The following BBS2 variants were observed in gnomAD, a reference collection of about 807,000 sequenced individuals.
BBS2 encodes Bardet-Biedl syndrome 2, also known as BBSome complex member BBS2.
A neutral mutation model predicts 83.0 loss-of-function variants in BBS2; 62 were observed. That is an observed-to-expected ratio of 0.75 (90% confidence interval 0.61 to 0.92). The LOEUF (loss-of-function observed/expected upper bound fraction) is 0.92. BBS2 is among the 40% of genes least tolerant of loss of function. The pLI is 0.00. For missense variants in BBS2, 784 were observed against 901.0 expected, an observed-to-expected ratio of 0.87 and a Z score of 1.66; for synonymous variants, 303 against 326.1, an observed-to-expected ratio of 0.93 and a Z score of 0.76.
At chr16:56,479,724 T>TGA (rs1325665796), downstream of BBS2, among the ~76,000 whole-genome samples, 1 of 152,178 alleles carries the variant, frequency 6.6e-6, no homozygotes, top group East Asian at 1.9e-4. Context: ...CAGCAGCCCT[T>TGA]GAGTAGCTGG....
In BBS2 at chr16:56,485,676, T is replaced by A. The variant is rs753656568; in HGVS notation, c.1973A>T (p.Tyr658Phe). Reference sequence around the variant, plus strand: ...TGTGTGATTGTTACAGCGAATTTTATATCCATTTAGCAAGTCTCTATTAAG... The same window carrying A: ...TGTGTGATTGTTACAGCGAATTTTAAATCCATTTAGCAAGTCTCTATTAAG... ...YDLNRDLLNG[Y>F]KIRCNNHTEL... The change falls in exon 16 of 17, where the codon TAT becomes TTT. Residue 658 changes from tyrosine (Y) to phenylalanine (F), a missense_variant. Coordinates refer to ENST00000245157, the MANE Select transcript of BBS2 (RefSeq NM_031885.5). 2.5e-6 allele frequency: 4 copies of A among 1,613,932 alleles called. No individual in the cohort carries two copies. The African/African-American group carries it at 5.3e-5, about 22-fold the overall frequency.
chr16:56,509,820 G>T, intron 5 of BBS2, 137 bp downstream of exon 5: 2 of 796,656 alleles, frequency 2.5e-6, no homozygotes, highest in Non-Finnish European at 4.4e-6. Flanking sequence ...ATACAGCTCT[G>T]TCTGACCCCC....
rs1292834581 is a variant in BBS2, at chr16:56,514,478, T to C, written c.320A>G (p.Asn107Ser). Residue 107 changes from asparagine to serine, a missense_variant, in exon 2 of 17, where the codon AAT (asparagine) becomes AGT (serine). By Grantham distance (46) the Asn-to-Ser change is conservative. Coordinates refer to ENST00000245157, the MANE Select transcript of BBS2 (RefSeq NM_031885.5). ...CTCTCTGTAGAACAAATCCGAATTA[T>C]TGTAGACATCATAAGCCAAAAGATT... is the stretch of plus-strand genomic sequence containing the variant. Reference protein sequence around the residue: ...QTNLLAYDVYNNSDLFYREVA... With the variant: ...QTNLLAYDVYSNSDLFYREVA... The C allele has an allele frequency of 9.3e-6, 15 of 1,614,046 alleles. No homozygotes were observed. Among genetic ancestry groups the C allele is most frequent in the African/African-American group, 5.3e-5 (4 of 74,918 alleles).
At chr16:56,501,303 T>C in intron 10 of BBS2, 50 bp downstream of exon 10, 1 of 1,588,948 alleles carries the variant, frequency 6.3e-7, no homozygotes. Context: ...AAAGAATGAC[T>C]CCAAGATGGC....
chr16:56,500,914 A>C lies in BBS2; in HGVS notation c.1337T>G (p.Val446Gly), dbSNP rs1315837336. ...NLSSSICIPI[V>G]PPKDVPVDLH... ...ATCCACAGGGACATCTTTGGGAGGC[A>C]CAATAGGGATGCAGATGGAACTGGA... Residue 446 changes from valine to glycine, a missense_variant, in exon 11 of 17, where the codon GTG (valine) becomes GGG (glycine). Val to Gly is a moderately radical substitution (Grantham distance 109, BLOSUM62 -3). Coordinates refer to ENST00000245157, the MANE Select transcript of BBS2 (RefSeq NM_031885.5). 2 of 1,614,206 alleles carry C rather than the reference A, an allele frequency of 1.2e-6. No individual in the cohort carries two copies. The highest frequency in any genetic ancestry group is 4.5e-5 in the East Asian group (2 of 44,874).
At chr16:56,478,144 A>G (rs1388144038) in intron 17 of BBS2, 4 of 152,078 alleles carry the variant, frequency 2.6e-5, no homozygotes, top group African/African-American at 7.2e-5. Flanking sequence ...TTTACACCAT[A>G]CTATTTTGGA....
intron 7 of BBS2, among the ~76,000 whole-genome samples, chr16:56,505,701 G>A (rs560074813): frequency 6.6e-6 from 1 of 152,284 alleles, no homozygotes; most frequent in Non-Finnish European, 1.5e-5. Context: ...CTTCAAATAA[G>A]AGATTTAGAC....
intron 17 of BBS2, among the ~76,000 whole-genome samples, chr16:56,473,746 T>C (rs1336909811): frequency 6.6e-6 from 1 of 152,216 alleles, no homozygotes; most frequent in African/African-American, 2.4e-5. Flanking sequence ...TCAGTGTATT[T>C]TTCCTTTGGG....
rs770986334 is a variant in BBS2 at position 56,509,943 on chromosome 16, G to A, written c.612+14C>T. 5 of 1,613,298 alleles carry A rather than the reference G, an allele frequency of 3.1e-6. No individual in the cohort carries two copies. Among genetic ancestry groups the A allele is most frequent in the Non-Finnish European group, 3.4e-6 (4 of 1,179,468 alleles). ...TTGCTCAAGGTTACCATAGTTCGAG[G>A]TGGAGCTTCTTACCTCTGTTTCTGT... On this transcript the variant is annotated intron_variant, in intron 5 of 16. Coordinates refer to ENST00000245157, the MANE Select transcript of BBS2 (RefSeq NM_031885.5).
chr16:56,510,120 T>G, intron 4 of BBS2, 86 bp from the exon 5 acceptor site: 15 of 1,176,220 alleles, frequency 1.3e-5, no homozygotes, highest in African/African-American at 1.5e-5. Flanking sequence ...GCACAGTACT[T>G]TGCATGCTGC....
intron 11 of BBS2, chr16:56,500,217 G>A (rs1964227816): frequency 2.8e-6 from 1 of 355,390 alleles, no homozygotes; most frequent in Non-Finnish European, 5.4e-6. Flanking sequence ...GGTTATGTAT[G>A]ACTGTAATAT....
chr16:56,503,554 G>A (rs1597017609), intron 7 of BBS2, among the ~76,000 whole-genome samples: 2 of 152,142 alleles, frequency 1.3e-5, no homozygotes, highest in Non-Finnish European at 1.5e-5. Context: ...CCAAGAGAGA[G>A]AACAAATAAA....
At chr16:56,481,489 A>G (rs1446798974), downstream of BBS2, among the ~76,000 whole-genome samples, 1 of 152,190 alleles carries the variant, frequency 6.6e-6, no homozygotes, top group Non-Finnish European at 1.5e-5. Flanking sequence ...GAAATAATAC[A>G]AATTATACTC....
chr16:56,488,440 A>C (rs1323839280), intron 15 of BBS2, among the ~76,000 whole-genome samples: 1 of 152,236 alleles, frequency 6.6e-6, no homozygotes, highest in Non-Finnish European at 1.5e-5. Context: ...AGAGCAGTAC[A>C]TAGAACCCAG....
chr16:56,473,461 T>C (rs1292958181), intron 17 of BBS2, among the ~76,000 whole-genome samples: 1 of 152,198 alleles, frequency 6.6e-6, no homozygotes, highest in African/African-American at 2.4e-5. Flanking sequence ...TTCAGAATGC[T>C]TCTCAGAAGT....
chr16:56,490,767 ATT>A (rs201601200), intron 15 of BBS2, among the ~76,000 whole-genome samples: 2 of 147,458 alleles, frequency 1.4e-5, no homozygotes, highest in Non-Finnish European at 3.0e-5. Context: ...GTAAAGCAAA[ATT>A]TTTTTTTTTT....
chr16:56,475,429 T>G (rs1963415709), intron 17 of BBS2: 3 of 1,278,590 alleles, frequency 2.3e-6, no homozygotes, highest in Admixed American at 3.4e-5. Flanking sequence ...TTAAGCAGCA[T>G]GGGATCAGTG....
intron 4 of BBS2, 122 bp downstream of exon 4, chr16:56,510,737 T>C (rs1330306959): frequency 2.2e-5 from 21 of 972,980 alleles, no homozygotes; most frequent in Non-Finnish European, 3.3e-5. Context: ...GGCTGAGCAT[T>C]TAGGCAACAG....
intron 2 of BBS2, 39 bp downstream of exon 2, chr16:56,514,414 G>A (rs1423810527): frequency 1.9e-6 from 3 of 1,559,930 alleles, no homozygotes; most frequent in African/African-American, 2.7e-5. Flanking sequence ...GGACATTAAT[G>A]AGTAATGACA....
Sources: allele counts gnomAD v4.1 joint callset (sites outside exome capture counted in the v4.1 genomes callset), GRCh38; gene constraint gnomAD v4.1.1; transcripts MANE v1.5; gene names NCBI Gene and HGNC (gene_info 2026-07-23, HGNC 2026-07-21).